PRKCH: variants seen among roughly 807,000 people sequenced by gnomAD.
PRKCH encodes protein kinase C eta, also known as protein kinase C eta type.
Under a neutral mutation model 82.5 loss-of-function variants are expected in PRKCH, and 28 were observed. The observed-to-expected ratio is 0.34, with a 90% CI of 0.25 to 0.47. The LOEUF (loss-of-function observed/expected upper bound fraction) is 0.47. Ranked by LOEUF, PRKCH falls within the 20% of genes least tolerant of loss-of-function variation. The probability of loss-of-function intolerance (pLI) is 1.00; values close to 1 mark genes in which losing one functional copy is unlikely to be tolerated. For missense variants in PRKCH, 705 were observed against 881.8 expected, an observed-to-expected ratio of 0.80 and a Z score of 2.54; for synonymous variants, 322 against 327.4, an observed-to-expected ratio of 0.98 and a Z score of 0.18.
At position 61,549,695 on chromosome 14, in the gene PRKCH, A is replaced by G; in HGVS notation, c.1916A>G (p.Glu639Gly). Residue 639 changes from glutamate (E) to glycine (G), a missense_variant, in exon 14 of 14, where the codon GAA (glutamate) becomes GGA (glycine). By Grantham distance (98) the Glu-to-Gly change is moderately conservative. Coordinates refer to ENST00000332981, the MANE Select transcript of PRKCH (RefSeq NM_006255.5). ...TTTTTTTTTTGGCAGAAATCCCGAG[A>G]AGATGTCAGTAATTTTGACCCTGAC... ...PPFRPRIKSR[E>G]DVSNFDPDFI... The G allele has an allele frequency of 6.2e-7, 1 of 1,611,524 alleles. No individual in the cohort carries two copies. Among genetic ancestry groups the G allele is most frequent in the Non-Finnish European group, 8.5e-7 (1 of 1,179,510 alleles).
intron 1 of PRKCH, among the ~76,000 whole-genome samples, chr14:61,340,501 G>A (rs549112846): frequency 6.6e-6 from 1 of 152,280 alleles, no homozygotes; most frequent in Non-Finnish European, 1.5e-5. Context: ...GACTTCCAAA[G>A]CTCTGTCTCT....
chr14:61,240,147 TG>T (rs141154590), intron 1 of PRKCH, among the ~76,000 whole-genome samples: 7,235 of 152,220 alleles, frequency 0.048, 232 homozygotes, highest in Middle Eastern at 0.095. Flanking sequence ...TGTCTCACAC[TG>T]ATAAGATTGA....
At chr14:61,351,608 A>G (rs2046075406) in intron 1 of PRKCH, among the ~76,000 whole-genome samples, 1 of 152,228 alleles carries the variant, frequency 6.6e-6, no homozygotes, top group Non-Finnish European at 1.5e-5. Flanking sequence ...TCGGAGGCAC[A>G]GTGACGATTC....
At chr14:61,220,994 C>T (rs1182086800) in intron 1 of PRKCH, among the ~76,000 whole-genome samples, 2 of 152,004 alleles carry the variant, frequency 1.3e-5, no homozygotes, top group African/African-American at 4.8e-5. Context: ...TTACTTGGTG[C>T]CGCTAGTGTT....
At chr14:61,434,939 C>A (rs1883602791) in intron 2 of PRKCH, among the ~76,000 whole-genome samples, 1 of 152,162 alleles carries the variant, frequency 6.6e-6, no homozygotes, top group South Asian at 2.1e-4. Context: ...AAATACATTA[C>A]TATAGCAGAT....
At chr14:61,435,134 C>T (rs1214727664) in intron 2 of PRKCH, among the ~76,000 whole-genome samples, 1 of 152,188 alleles carries the variant, frequency 6.6e-6, no homozygotes, top group African/African-American at 2.4e-5. Flanking sequence ...AAATTCCCGA[C>T]AGGAATCGAG....
At chr14:61,288,647 C>T (rs1332158024) in intron 1 of PRKCH, among the ~76,000 whole-genome samples, 1 of 152,130 alleles carries the variant, frequency 6.6e-6, no homozygotes, top group Non-Finnish European at 1.5e-5. Context: ...GTGAGGATGG[C>T]TGCATTGTGT....
At chr14:61,313,207 TC>T (rs2045538213) in intron 1 of PRKCH, among the ~76,000 whole-genome samples, 1 of 152,214 alleles carries the variant, frequency 6.6e-6, no homozygotes, top group Admixed American at 6.5e-5. Context: ...ATAGTCATTT[TC>T]CTTTCACAGG....
At chr14:61,399,378 C>A (rs1398714245) in intron 2 of PRKCH, among the ~76,000 whole-genome samples, 2 of 152,194 alleles carry the variant, frequency 1.3e-5, no homozygotes, top group Admixed American at 1.3e-4. Context: ...TTTCCACTTA[C>A]AAATTAAAGC....
At chr14:61,410,902 CTCAT>C (rs1289224654) in intron 2 of PRKCH, among the ~76,000 whole-genome samples, 1 of 152,156 alleles carries the variant, frequency 6.6e-6, no homozygotes, top group East Asian at 1.9e-4. Context: ...GTTGCCTGGG[CTCAT>C]GAAGCCTGTC....
chr14:61,351,415 A>G (rs2046072284), intron 1 of PRKCH, among the ~76,000 whole-genome samples: 1 of 152,182 alleles, frequency 6.6e-6, no homozygotes. Context: ...GTGGCATGTC[A>G]AGGAGGCAGG....
At chr14:61,334,635 G>A (rs1000756061) in intron 1 of PRKCH, among the ~76,000 whole-genome samples, 9 of 152,228 alleles carry the variant, frequency 5.9e-5, no homozygotes, top group African/African-American at 1.7e-4. Flanking sequence ...AAAGAGAGTC[G>A]GCTTGGTGTC....
intron 1 of PRKCH, among the ~76,000 whole-genome samples, chr14:61,251,745 T>C (rs1322290702): frequency 6.6e-6 from 1 of 152,196 alleles, no homozygotes; most frequent in Non-Finnish European, 1.5e-5. Context: ...GACCATAGGG[T>C]AGCTCTATTT....
intron 1 of PRKCH, among the ~76,000 whole-genome samples, chr14:61,331,767 A>G (rs919899031): frequency 5.3e-5 from 8 of 152,182 alleles, no homozygotes; most frequent in African/African-American, 1.9e-4. Context: ...CAATCACATA[A>G]TTTCTTCCCT....
chr14:61,549,413 C>T (rs1046824390), intron 13 of PRKCH, among the ~76,000 whole-genome samples: 4 of 152,182 alleles, frequency 2.6e-5, no homozygotes, highest in Non-Finnish European at 5.9e-5. Context: ...TTTTGGATGA[C>T]CAAATTAATT....
chr14:61,494,364 A>G (rs1457726110), intron 10 of PRKCH, among the ~76,000 whole-genome samples: 1 of 152,242 alleles, frequency 6.6e-6, no homozygotes, highest in Non-Finnish European at 1.5e-5. Flanking sequence ...GTGCCAGTGT[A>G]TTAAAAATAT....
At chr14:61,336,630 C>A (rs572080530) in intron 1 of PRKCH, among the ~76,000 whole-genome samples, 2 of 152,210 alleles carry the variant, frequency 1.3e-5, no homozygotes, top group South Asian at 4.2e-4. Context: ...ACTTTTATTG[C>A]TGTAATTAAG....
intron 2 of PRKCH, among the ~76,000 whole-genome samples, chr14:61,427,880 C>G (rs775486509): frequency 1.3e-5 from 2 of 151,952 alleles, no homozygotes; most frequent in African/African-American, 2.4e-5. Flanking sequence ...GCCACTTCAC[C>G]CAGCTGTTAC....
At chr14:61,361,226 G>A (rs1489630287) in intron 1 of PRKCH, 2 of 152,226 alleles carry the variant, frequency 1.3e-5, no homozygotes, top group Non-Finnish European at 2.9e-5. Flanking sequence ...GAGGGTGGAG[G>A]GTGTGAATCT....
Sources: allele counts gnomAD v4.1 joint callset (sites outside exome capture counted in the v4.1 genomes callset), GRCh38; gene constraint gnomAD v4.1.1; transcripts MANE v1.5; gene names NCBI Gene and HGNC (gene_info 2026-07-23, HGNC 2026-07-21).